Variants in CCDC63 observed in about 807,000 individuals in gnomAD.
CCDC63 encodes the protein coiled-coil domain containing 63, also known as coiled-coil domain-containing protein 63.
In CCDC63, 54 loss-of-function variants were observed where a neutral mutation model predicts 63.6. The ratio of observed to expected loss-of-function variants is 0.85; its 90% CI spans 0.68 to 1.07. The LOEUF is 1.07. CCDC63 is among the 50% of genes least tolerant of loss of function. CCDC63 has a pLI of 0.00. For missense variants in CCDC63, 637 were observed against 689.6 expected, an observed-to-expected ratio of 0.92 and a Z score of 0.86; for synonymous variants, 253 against 266.1, an observed-to-expected ratio of 0.95 and a Z score of 0.48.
At chr12:110,887,359 C>G (rs961015475) in intron 8 of CCDC63, among the ~76,000 whole-genome samples, 6 of 151,902 alleles carry the variant, frequency 3.9e-5, no homozygotes, top group African/African-American at 1.5e-4. Context: ...CGCCTGAACT[C>G]AGGTGATCCG....
At chr12:110,877,896 G>A (rs2071151853) in intron 5 of CCDC63, among the ~76,000 whole-genome samples, 1 of 151,492 alleles carries the variant, frequency 6.6e-6, no homozygotes, top group East Asian at 2.0e-4. Flanking sequence ...TAGTAGAGAT[G>A]GGGTTTCACC....
At chr12:110,897,739 T>G (rs1317825459) in intron 9 of CCDC63, among the ~76,000 whole-genome samples, 2 of 150,332 alleles carry the variant, frequency 1.3e-5, no homozygotes, top group South Asian at 2.1e-4. Context: ...CTTGTTTTTT[T>G]TTTTTTTTTT....
intron 11 of CCDC63, 123 bp downstream of exon 11, chr12:110,904,914 G>C: frequency 1.4e-6 from 1 of 715,294 alleles, no homozygotes. Flanking sequence ...CTCTCTTTAT[G>C]AGCTCTTGTG....
In CCDC63 at chr12:110,884,013, G is replaced by T; in HGVS notation, c.854-17G>T. Reference sequence around the variant, plus strand: ...CTTCCTTTTGAGTGTCACAGTGGCTGATTTTTCCTTTCCTAGCTCTCAAGG... The same window carrying T: ...CTTCCTTTTGAGTGTCACAGTGGCTTATTTTTCCTTTCCTAGCTCTCAAGG... On this transcript the variant is annotated splice_polypyrimidine_tract_variant and intron_variant, in intron 7 of 11. Coordinates refer to ENST00000308208, the MANE Select transcript of CCDC63 (RefSeq NM_152591.3). 1 of 1,607,676 alleles carries T rather than the reference G, an allele frequency of 6.2e-7. No homozygotes were observed.
chr12:110,853,485 G>A lies in CCDC63; in HGVS notation c.90G>A (p.Glu30=). 2 of 1,614,164 alleles carry A rather than the reference G, an allele frequency of 1.2e-6. No homozygotes were observed. Among genetic ancestry groups the A allele is most frequent in the Non-Finnish European group, 8.5e-7 (1 of 1,180,016 alleles). The change falls in exon 3 of 12, where the codon GAG becomes GAA. Residue 30 remains glutamate, a synonymous_variant. Coordinates refer to ENST00000308208, the MANE Select transcript of CCDC63 (RefSeq NM_152591.3). ...CCAAAGAGCAGCAGGCGGAGGCAGAGCTCCGGAAGCTAAGGCAGCAGTTCA... is the reference window on the plus strand; with the variant it reads ...CCAAAGAGCAGCAGGCGGAGGCAGAACTCCGGAAGCTAAGGCAGCAGTTCA... ...EKAKEQQAEA[E]LRKLRQQFRK... is the part of the protein sequence containing the mutation.
At chr12:110,883,742 C>T (rs12368696) in intron 7 of CCDC63, among the ~76,000 whole-genome samples, 27 of 152,166 alleles carry the variant, frequency 1.8e-4, no homozygotes, top group South Asian at 2.1e-4. Context: ...CAGGTTCAAG[C>T]AATTCTCCTG....
chr12:110,850,279 C>T (rs953659517), intron 1 of CCDC63, among the ~76,000 whole-genome samples: 3 of 152,220 alleles, frequency 2.0e-5, no homozygotes, highest in Admixed American at 1.3e-4. Flanking sequence ...CTGCTCACAT[C>T]CCATTGGTGA....
At chr12:110,893,230 G>A (rs758372275) in intron 9 of CCDC63, 80 bp downstream of exon 9, 10 of 1,186,794 alleles carry the variant, frequency 8.4e-6, no homozygotes, top group Non-Finnish European at 1.2e-5. Flanking sequence ...CTGTCTGTCT[G>A]TCCGTCGGGC....
rs182768951 is a variant in CCDC63, at chr12:110,858,554, T to G, written c.180-32T>G. ...GCTCCGTCAAGTTAAACTTAGGGGT[T>G]TGGGGTTAATCATGGGCTGCTTTTC... On this transcript the variant is annotated intron_variant, in intron 3 of 11. Coordinates refer to ENST00000308208, the MANE Select transcript of CCDC63 (RefSeq NM_152591.3). 4 of 1,586,950 alleles carry G rather than the reference T, an allele frequency of 2.5e-6. No individual in the cohort carries two copies. In the African/African-American group the frequency reaches 5.4e-5, roughly 21 times the overall value.
upstream of CCDC63, among the ~76,000 whole-genome samples, chr12:110,846,317 G>C (rs1344675871): frequency 6.6e-6 from 1 of 152,198 alleles, no homozygotes; most frequent in Non-Finnish European, 1.5e-5. Flanking sequence ...AGAGAAAGTA[G>C]TTGACTTGTG....
chr12:110,863,328 A>G (rs1667448250), intron 4 of CCDC63, among the ~76,000 whole-genome samples: 1 of 152,060 alleles, frequency 6.6e-6, no homozygotes, highest in South Asian at 2.1e-4. Context: ...CCATTGTAAT[A>G]GCATTCATAT....
intron 11 of CCDC63, among the ~76,000 whole-genome samples, chr12:110,906,793 T>A (rs149836836): frequency 7.0e-4 from 107 of 151,970 alleles, no homozygotes; most frequent in African/African-American, 2.5e-3. Flanking sequence ...TCCTAAAAGG[T>A]TGGGGGGAGA....
At chr12:110,885,091 C>T (rs942779784) in intron 8 of CCDC63, among the ~76,000 whole-genome samples, 1 of 151,680 alleles carries the variant, frequency 6.6e-6, no homozygotes, top group African/African-American at 2.4e-5. Context: ...GTTTTATTAA[C>T]CAGCATTCAG....
chr12:110,904,516 G>A (rs2071532325), intron 10 of CCDC63, 72 bp from the exon 11 acceptor site: 1 of 1,350,914 alleles, frequency 7.4e-7, no homozygotes, highest in African/African-American at 1.4e-5. Flanking sequence ...CTCTGCAGTG[G>A]TGGCACCACC....
chr12:110,877,007 G>A (rs947624324), intron 5 of CCDC63, among the ~76,000 whole-genome samples: 4 of 151,882 alleles, frequency 2.6e-5, no homozygotes, highest in Non-Finnish European at 5.9e-5. Flanking sequence ...TTGACAGAGC[G>A]AGACCCTGTT....
chr12:110,873,796 A>G, intron 4 of CCDC63, 46 bp from the exon 5 acceptor site: 7 of 1,605,990 alleles, frequency 4.4e-6, no homozygotes, highest in Non-Finnish European at 5.9e-6. Context: ...GGGTACCCAT[A>G]CAGATGCTAA....
rs1566114616 is a variant in CCDC63, at chr12:110,853,575, G to GT, written c.179+2dup. 1 of 1,614,178 alleles carries GT rather than the reference G, an allele frequency of 6.2e-7. No individual in the cohort carries two copies. Among genetic ancestry groups the GT allele is most frequent in the South Asian group, 1.1e-5 (1 of 91,064 alleles). On this transcript the variant is annotated splice_donor_variant, in intron 3 of 11. Coordinates refer to ENST00000308208, the MANE Select transcript of CCDC63 (RefSeq NM_152591.3). LOFTEE classifies it high-confidence loss of function. ...ACCAGCAGAAGATTGCGAGTCAGTA[G>GT]TAAGTGATGGTTGGAGTTTCGCACT...
intron 10 of CCDC63, 140 bp from the exon 11 acceptor site, chr12:110,904,448 C>G (rs1012841443): frequency 1.5e-6 from 1 of 680,976 alleles, no homozygotes; most frequent in Non-Finnish European, 2.6e-6. Context: ...CAGGAGAAAG[C>G]CTTTTCCTTG....
At chr12:110,901,564 A>T (rs2071488037) in intron 10 of CCDC63, among the ~76,000 whole-genome samples, 1 of 151,700 alleles carries the variant, frequency 6.6e-6, no homozygotes, top group South Asian at 2.1e-4. Flanking sequence ...TTCATTAACC[A>T]GCCCCACCTC....
Sources: gnomAD v4.1 joint callset for allele counts (sites outside exome capture counted in the v4.1 genomes callset) on GRCh38, gnomAD v4.1.1 for gene constraint, MANE v1.5 for transcripts, NCBI Gene and HGNC (gene_info 2026-07-23, HGNC 2026-07-21) for gene names.